The following COL21A1 variants were observed in gnomAD, a reference collection of about 807,000 sequenced individuals.
COL21A1 encodes the protein collagen alpha-1(XXI) chain.
COL21A1 carries 149 observed loss-of-function variants against 137.9 expected under a neutral mutation model. The ratio of observed to expected loss-of-function variants is 1.08; its 90% CI spans 0.95 to 1.24. The LOEUF is 1.24. Among genes scored for constraint, COL21A1 ranks in the 50% most tolerant of loss-of-function variants. The pLI is 0.00. For missense variants in COL21A1, 1,167 were observed against 1,158.4 expected (o/e 1.01, Z -0.11); for synonymous variants, 456 against 391.5 (o/e 1.16, Z -1.95).
At chr6:56,102,778 G>A (rs561241944) in intron 16 of COL21A1, among the ~76,000 whole-genome samples, 1 of 152,230 alleles carries the variant, frequency 6.6e-6, no homozygotes, top group Non-Finnish European at 1.5e-5. Context: ...TATTAGAACT[G>A]TGAAATGCCA....
At chr6:56,337,222 G>C (rs998702447) in intron 1 of COL21A1, among the ~76,000 whole-genome samples, 3 of 152,090 alleles carry the variant, frequency 2.0e-5, no homozygotes, top group Non-Finnish European at 4.4e-5. Flanking sequence ...TTTTAATTTA[G>C]AATGGGTATC....
chr6:56,334,028 T>TATGACAGTATGGAGTTTCAGTA (rs1765287526), intron 1 of COL21A1, among the ~76,000 whole-genome samples: 3 of 151,524 alleles, frequency 2.0e-5, no homozygotes, highest in African/African-American at 4.9e-5. Flanking sequence ...ATGCTTTGCA[T>TATGACAGTATGGAGTTTCAGTA]ATGACAGTAT....
chr6:56,344,208 G>T (rs1765536886), intron 1 of COL21A1, among the ~76,000 whole-genome samples: 1 of 151,980 alleles, frequency 6.6e-6, no homozygotes, highest in Non-Finnish European at 1.5e-5. Context: ...TTTCACCAAG[G>T]ACATTTACCC....
chr6:56,090,475 G>A (rs562612133), intron 17 of COL21A1, among the ~76,000 whole-genome samples: 1 of 152,156 alleles, frequency 6.6e-6, no homozygotes, highest in Admixed American at 6.6e-5. Context: ...TGTGTGTGAG[G>A]TCAAAATTAA....
intron 12 of COL21A1, chr6:56,126,785 A>T (rs1395783503): frequency 6.6e-6 from 1 of 152,228 alleles, no homozygotes; most frequent in Non-Finnish European, 1.5e-5. Flanking sequence ...TTGTGGAGAC[A>T]TAGTAAATAA....
chr6:56,097,253 G>A (rs1433941821), intron 17 of COL21A1, among the ~76,000 whole-genome samples: 1 of 152,086 alleles, frequency 6.6e-6, no homozygotes, highest in South Asian at 2.1e-4. Context: ...CATTGGGCTG[G>A]AGTGGGAGAG....
At chr6:56,356,533 T>G (rs1017984368) in intron 1 of COL21A1, among the ~76,000 whole-genome samples, 4 of 152,222 alleles carry the variant, frequency 2.6e-5, no homozygotes, top group African/African-American at 9.6e-5. Context: ...AAATAATGAC[T>G]GCCTTATGGA....
intron 1 of COL21A1, among the ~76,000 whole-genome samples, chr6:56,385,930 G>A (rs1326252394): frequency 2.1e-5 from 3 of 145,750 alleles, no homozygotes; most frequent in South Asian, 2.1e-4. Flanking sequence ...ATGGAATTTC[G>A]CTCTTGTCAC....
intron 1 of COL21A1, among the ~76,000 whole-genome samples, chr6:56,377,127 G>C (rs1398602820): frequency 1.3e-5 from 2 of 151,824 alleles, no homozygotes; most frequent in African/African-American, 4.8e-5. Context: ...ACAGGCATGT[G>C]CCACCATGCC....
intron 1 of COL21A1, among the ~76,000 whole-genome samples, chr6:56,334,185 T>C (rs1457600863): frequency 6.6e-6 from 1 of 152,152 alleles, no homozygotes; most frequent in African/African-American, 2.4e-5. Context: ...CAATTTCTAA[T>C]TATGTATATA....
chr6:56,115,778 T>C (rs1445505980), intron 16 of COL21A1, among the ~76,000 whole-genome samples: 1 of 152,032 alleles, frequency 6.6e-6, no homozygotes, highest in East Asian at 1.9e-4. Context: ...ATTCAAGATA[T>C]GCAGAGAAGG....
chr6:56,264,124 T>A (rs928478455), intron 1 of COL21A1, among the ~76,000 whole-genome samples: 1 of 152,190 alleles, frequency 6.6e-6, no homozygotes, highest in Non-Finnish European at 1.5e-5. Flanking sequence ...ATGAATGAAG[T>A]CTCCTTGGAA....
At chr6:56,341,688 G>A (rs1348516259) in intron 1 of COL21A1, among the ~76,000 whole-genome samples, 1 of 152,188 alleles carries the variant, frequency 6.6e-6, no homozygotes, top group Non-Finnish European at 1.5e-5. Flanking sequence ...TAAACCCATA[G>A]AATGTGCAAC....
At chr6:56,122,686 C>T (rs975085999) in intron 16 of COL21A1, among the ~76,000 whole-genome samples, 12 of 152,146 alleles carry the variant, frequency 7.9e-5, no homozygotes, top group Non-Finnish European at 1.2e-4. Flanking sequence ...TTTGCAGGTA[C>T]ATGAATGCAC....
chr6:56,269,839 T>C (rs1165426389), intron 1 of COL21A1, among the ~76,000 whole-genome samples: 1 of 152,072 alleles, frequency 6.6e-6, no homozygotes, highest in Admixed American at 6.5e-5. Flanking sequence ...CCAAGTTTCA[T>C]AAGCAAAGGA....
rs960997927 is a variant in COL21A1, at chr6:56,060,980, C to A, written c.2263G>T (p.Gly755Trp). 1 of 1,608,590 alleles carries A rather than the reference C, an allele frequency of 6.2e-7. No individual in the cohort carries two copies. Among genetic ancestry groups the A allele is most frequent in the Admixed American group, 1.7e-5 (1 of 58,904 alleles). Reference sequence around the variant, plus strand: ...GCGGGCCCCATCAAGCCATCCACCCCAGATTCTCCTTTTGATCCAATGGCA... The same window carrying A: ...GCGGGCCCCATCAAGCCATCCACCCAAGATTCTCCTTTTGATCCAATGGCA... ...RGAIGSKGES[G>W]VDGLMGPAGP... Residue 755 changes from glycine (G) to tryptophan (W), a missense_variant, in exon 26 of 30, where the codon GGG becomes TGG. Coordinates refer to ENST00000244728, the MANE Select transcript of COL21A1 (RefSeq NM_030820.4).
rs929102162 is a variant in COL21A1 at position 56,258,573 on chromosome 6, AACTTTAAGTGCTC to A, written c.-38-75930_-38-75918del. Among the ~76,000 whole-genome samples the A allele has an allele frequency of 3.3e-5, 5 of 152,102 alleles. No individual in the cohort carries two copies. In the South Asian group the frequency reaches 8.3e-4, roughly 25 times the overall value. On this transcript the variant is annotated intron_variant, in intron 1 of 28. Coordinates refer to the COL21A1 transcript ENST00000370819. ...AAGATGCTGTCTGCTCTGCCCCTCT[AACTTTAAGTGCTC>A]ACCAGTCAAAGCCCACACACATGCA...
intron 1 of COL21A1, among the ~76,000 whole-genome samples, chr6:56,310,117 T>C (rs1764573196): frequency 6.6e-6 from 1 of 152,134 alleles, no homozygotes; most frequent in Non-Finnish European, 1.5e-5. Context: ...GAGGATAAAC[T>C]AGGCACAGCA....
At chr6:56,057,948 T>C (rs1765471780) in intron 29 of COL21A1, 104 bp from the exon 30 acceptor site, 3 of 774,448 alleles carry the variant, frequency 3.9e-6, no homozygotes, top group Admixed American at 3.6e-5. Flanking sequence ...ACCTTGAATA[T>C]TTTATATATT....
Sources: gnomAD v4.1 joint callset for allele counts (sites outside exome capture counted in the v4.1 genomes callset) on GRCh38, gnomAD v4.1.1 for gene constraint, MANE v1.5 for transcripts, NCBI Gene and HGNC (gene_info 2026-07-23, HGNC 2026-07-21) for gene names.